Variants in EDN1 observed in about 807,000 individuals in gnomAD.
EDN1 encodes the protein endothelin-1.
In EDN1, 11 loss-of-function variants were observed where a neutral mutation model predicts 21.7. The ratio of observed to expected loss-of-function variants is 0.51; its 90% CI spans 0.32 to 0.84. The LOEUF (loss-of-function observed/expected upper bound fraction) is 0.84. Among genes scored for constraint, EDN1 ranks in the 40% least tolerant of loss-of-function variants. EDN1 has a pLI of 0.03. For missense variants in EDN1, 244 were observed against 262.3 expected (o/e 0.93, Z 0.48); for synonymous variants, 85 against 90.6 (o/e 0.94, Z 0.35).
the EDN1 span, among the ~76,000 whole-genome samples, chr6:12,273,227 C>T: frequency 3.9e-5 from 6 of 152,072 alleles, no homozygotes; most frequent in Non-Finnish European, 8.8e-5. Flanking sequence ...GGGGGCTAGG[C>T]CAGCAAAGAG....
the EDN1 span, among the ~76,000 whole-genome samples, chr6:12,232,614 G>A: frequency 2.2e-4 from 33 of 152,232 alleles, no homozygotes; most frequent in Non-Finnish European, 4.1e-4. Context: ...TAGTGGTTTC[G>A]TTATTAGAAG....
the EDN1 span, among the ~76,000 whole-genome samples, chr6:12,274,944 T>C: frequency 1.5e-3 from 148 of 97,740 alleles, no homozygotes; most frequent in African/African-American, 5.3e-3. Context: ...TCCTTCTCCT[T>C]CCTTCCTTCC....
At chr6:12,293,097 TTC>T (rs1762726615) in intron 2 of EDN1, among the ~76,000 whole-genome samples, 1 of 152,220 alleles carries the variant, frequency 6.6e-6, no homozygotes, top group African/African-American at 2.4e-5. Context: ...GTCCATAGGC[TTC>T]TCTTTCACCT....
At chr6:12,231,641 G>A in the EDN1 span, among the ~76,000 whole-genome samples, 28 of 152,232 alleles carry the variant, frequency 1.8e-4, no homozygotes, top group Admixed American at 1.2e-3. Flanking sequence ...AGAGTTGTAG[G>A]TTAAAGCTAT....
chr6:12,276,318 T>A, the EDN1 span, among the ~76,000 whole-genome samples: 3 of 152,224 alleles, frequency 2.0e-5, no homozygotes, highest in Non-Finnish European at 4.4e-5. Context: ...GATGTGACTG[T>A]TAGTGCAAGC....
At chr6:12,288,300 C>T (rs1279505979), upstream of EDN1, among the ~76,000 whole-genome samples, 1 of 152,108 alleles carries the variant, frequency 6.6e-6, no homozygotes, top group Non-Finnish European at 1.5e-5. Flanking sequence ...ACCTTTCTTC[C>T]GCGGGAGTGT....
At chr6:12,236,635 T>C in the EDN1 span, among the ~76,000 whole-genome samples, 1 of 152,178 alleles carries the variant, frequency 6.6e-6, no homozygotes, top group Non-Finnish European at 1.5e-5. Flanking sequence ...TCATTTTTCC[T>C]AAAATATTTG....
At chr6:12,247,310 T>C in the EDN1 span, among the ~76,000 whole-genome samples, 1 of 152,076 alleles carries the variant, frequency 6.6e-6, no homozygotes, top group Non-Finnish European at 1.5e-5. Flanking sequence ...GGAGGGTGAA[T>C]GTGGGTACCT....
the EDN1 span, among the ~76,000 whole-genome samples, chr6:12,263,100 T>C: frequency 3.3e-5 from 5 of 152,138 alleles, no homozygotes; most frequent in African/African-American, 9.7e-5. Flanking sequence ...CTTAAAAATA[T>C]TTGCATTTTA....
At chr6:12,265,591 A>G in the EDN1 span, among the ~76,000 whole-genome samples, 1 of 152,212 alleles carries the variant, frequency 6.6e-6, no homozygotes, top group East Asian at 1.9e-4. Flanking sequence ...CCCTGCTGGC[A>G]TCTTGATCCT....
chr6:12,260,414 G>T, the EDN1 span, among the ~76,000 whole-genome samples: 1 of 152,138 alleles, frequency 6.6e-6, no homozygotes, highest in Non-Finnish European at 1.5e-5. Context: ...CTGAAAGCAA[G>T]CACTTAACTT....
the EDN1 span, among the ~76,000 whole-genome samples, chr6:12,255,088 A>G: frequency 9.0e-4 from 137 of 152,362 alleles, no homozygotes; most frequent in Non-Finnish European, 1.6e-3. Context: ...ACAAGATGAA[A>G]GAAATTATCA....
chr6:12,287,632 G>T (rs772042976), upstream of EDN1, among the ~76,000 whole-genome samples: 4 of 148,552 alleles, frequency 2.7e-5, no homozygotes, highest in Admixed American at 6.7e-5. Flanking sequence ...GACACACAAA[G>T]AAAAAGACAC....
At chr6:12,247,341 T>G in the EDN1 span, among the ~76,000 whole-genome samples, 2 of 152,064 alleles carry the variant, frequency 1.3e-5, no homozygotes, top group Non-Finnish European at 2.9e-5. Context: ...GTCTTATAAA[T>G]GAGTAACATG....
At chr6:12,264,039 T>C in the EDN1 span, among the ~76,000 whole-genome samples, 1 of 152,374 alleles carries the variant, frequency 6.6e-6, no homozygotes, top group Admixed American at 6.5e-5. Flanking sequence ...TTATCTGTAA[T>C]ACTCAAGGAG....
the EDN1 span, among the ~76,000 whole-genome samples, chr6:12,249,054 A>ATC: frequency 2.0e-5 from 3 of 152,204 alleles, no homozygotes; most frequent in Non-Finnish European, 4.4e-5. Context: ...AAGTTAATCT[A>ATC]TCACATTCAT....
At chr6:12,251,179 A>T in the EDN1 span, among the ~76,000 whole-genome samples, 1 of 152,230 alleles carries the variant, frequency 6.6e-6, no homozygotes, top group Non-Finnish European at 1.5e-5. Flanking sequence ...AAGACCAAAG[A>T]TAACTTAAGC....
chr6:12,290,439 T>G lies in EDN1; in HGVS notation c.-191T>G. The G allele has an allele frequency of 1.6e-6, 1 of 610,610 alleles. No individual in the cohort carries two copies. Among genetic ancestry groups the G allele is most frequent in the Non-Finnish European group, 2.9e-6 (1 of 344,220 alleles). The allele number at this position is 610,610 out of a possible 1,614,324, so 37.8% of individuals were successfully genotyped here. ...CCAGCTCTCCACCGCCGCGTGCGCCTGCAGACGCTCCGCTCGCTGCCTTCT... is the reference window on the plus strand; with the variant it reads ...CCAGCTCTCCACCGCCGCGTGCGCCGGCAGACGCTCCGCTCGCTGCCTTCT... On this transcript the variant is annotated 5_prime_UTR_variant, in exon 1 of 5. Transcript: ENST00000379375.
chr6:12,234,285 T>G, the EDN1 span, among the ~76,000 whole-genome samples: 1 of 152,154 alleles, frequency 6.6e-6, no homozygotes, highest in African/African-American at 2.4e-5. Flanking sequence ...GAAAACTGAC[T>G]CCCAGGTGGC....
Sources: gnomAD v4.1 joint callset for allele counts (sites outside exome capture counted in the v4.1 genomes callset) on GRCh38, gnomAD v4.1.1 for gene constraint, MANE v1.5 for transcripts, NCBI Gene and HGNC (gene_info 2026-07-23, HGNC 2026-07-21) for gene names.